The following STX1A variants were observed in gnomAD, a reference collection of about 807,000 sequenced individuals.
The protein encoded by STX1A is syntaxin-1A.
Under a neutral mutation model 37.8 loss-of-function variants are expected in STX1A, and 4 were observed. The ratio of observed to expected loss-of-function variants is 0.11; its 90% confidence interval spans 0.05 to 0.24. STX1A has a LOEUF of 0.24. Among genes scored for constraint, STX1A ranks in the 10% least tolerant of loss-of-function variants. The probability of loss-of-function intolerance (pLI) is 1.00; values close to 1 mark genes in which losing one functional copy is unlikely to be tolerated. For synonymous variants in STX1A, 135 were observed against 147.4 expected (o/e 0.92, Z 0.61); for missense variants, 251 against 399.9 (o/e 0.63, Z 3.18).
intron 4 of STX1A, 76 bp from the exon 5 acceptor site, chr7:73,704,499 T>C: frequency 3.2e-6 from 5 of 1,572,296 alleles, no homozygotes; most frequent in Non-Finnish European, 4.3e-6. Context: ...CCAGCATCTA[T>C]CCACCTTCCC....
chr7:73,704,810 G>T, intron 4 of STX1A: 1 of 513,618 alleles, frequency 1.9e-6, no homozygotes, highest in Non-Finnish European at 3.5e-6. Context: ...CACTCATGGG[G>T]TGCACGTGTC....
At position 73,702,561 on chromosome 7, in the gene STX1A, A is replaced by G; in HGVS notation, c.678+284T>C. On this transcript the variant is annotated intron_variant, in intron 8 of 9. Transcript: ENST00000222812. This position sits in a 1 kb window ranked among gnomAD's most constrained non-coding sequence, Gnocchi z 4.7. ...GTCTCTGGGGAAATGCGTGGCCCAC[A>G]GTGGCCCCATGAGGAAACAGTAGTA... The G allele has an allele frequency of 1.2e-6, 1 of 866,194 alleles. No individual in the cohort carries two copies. 53.7% of individuals were successfully genotyped at this position (866,194 alleles called of 1,614,324 possible).
At chr7:73,715,357 G>A (rs1799254421) in intron 1 of STX1A, among the ~76,000 whole-genome samples, 1 of 152,066 alleles carries the variant, frequency 6.6e-6, no homozygotes, top group South Asian at 2.1e-4. Context: ...AGGAGGTGGA[G>A]GCTGCAGTGA....
In STX1A at chr7:73,713,254, A is replaced by T. The variant is rs1292272857; in HGVS notation, c.31-4132T>A. 2.6e-5 allele frequency among the ~76,000 whole-genome samples: 4 copies of T among 152,312 alleles called. 1 individual carries two copies. Among genetic ancestry groups the T allele is most frequent in the African/African-American group, 9.6e-5 (4 of 41,572 alleles). ...GTCCTCCAGATTCACTCAGATAAGG[A>T]ATCAGTTCTCATTGGACACGGAATA... On this transcript the variant is annotated intron_variant, in intron 1 of 9. Coordinates refer to ENST00000222812, the MANE Select transcript of STX1A (RefSeq NM_004603.4).
In STX1A at chr7:73,705,116, GC is replaced by G. The variant is rs1554616653; in HGVS notation, c.283+33del. ...TCCGCAGAGGAAGCAGGCCTAGAATGCCCCCCACCCACCCCCAGACAAGCCT... is the reference window on the plus strand; with the variant it reads ...TCCGCAGAGGAAGCAGGCCTAGAATGCCCCCACCCACCCCCAGACAAGCCT... On this transcript the variant is annotated intron_variant, in intron 4 of 9. Coordinates refer to ENST00000222812, the MANE Select transcript of STX1A (RefSeq NM_004603.4). The surrounding 1 kb of genome is among the most constrained non-coding windows in gnomAD (Gnocchi z 5.2). 2 of 1,599,786 alleles carry G rather than the reference GC, an allele frequency of 1.3e-6. No homozygotes were observed. The highest frequency in any genetic ancestry group is 1.7e-6 in the Non-Finnish European group (2 of 1,167,024).
At chr7:73,708,722 A>G (rs1554617470) in intron 2 of STX1A, 34 bp from the exon 3 acceptor site, 1 of 1,603,306 alleles carries the variant, frequency 6.2e-7, no homozygotes, top group Non-Finnish European at 8.5e-7. Flanking sequence ...AGGAGAAGGA[A>G]ATCAGGGGAG....
rs1430536882 is a variant in STX1A at position 73,709,660 on chromosome 7, C to G, written c.31-538G>C. Among the ~76,000 whole-genome samples, 1 of 150,874 alleles carries G rather than the reference C, an allele frequency of 6.6e-6. No homozygotes were observed. Among genetic ancestry groups the G allele is most frequent in the African/African-American group, 2.4e-5 (1 of 40,938 alleles). On this transcript the variant is annotated intron_variant, in intron 1 of 9. Transcript: ENST00000222812. The surrounding 1 kb of genome is among the most constrained non-coding windows in gnomAD (Gnocchi z 4.2). ...AACACCTGGGCTCAAGCGATCCTCC[C>G]AACTCAGCATCCCGAGTAGCTGGAA...
Position 73,706,867 on chromosome 7 carries a change from C to T in STX1A, c.209-1643G>A, listed in dbSNP as rs1356620823. On this transcript the variant is annotated intron_variant, in intron 3 of 9. Transcript: ENST00000222812. This position sits in a 1 kb window ranked among gnomAD's most constrained non-coding sequence, Gnocchi z 4.6. ...CAAATCTCTCAGGCAAGGAGCTCAG[C>T]GTGGTGAGCCCTGGGCGTCCCTCTC... 2.6e-5 allele frequency among the ~76,000 whole-genome samples: 4 copies of T among 152,222 alleles called. No individual in the cohort carries two copies. Among genetic ancestry groups the T allele is most frequent in the Non-Finnish European group, 2.9e-5 (2 of 68,044 alleles).
chr7:73,704,568 G>T, intron 4 of STX1A, 145 bp from the exon 5 acceptor site: 1 of 981,384 alleles, frequency 1.0e-6, no homozygotes, highest in Non-Finnish European at 1.5e-6. Flanking sequence ...AGGCACCGAT[G>T]GAGGAGGGGC....
At chr7:73,718,513 G>T (rs923759921) in intron 1 of STX1A, among the ~76,000 whole-genome samples, 2 of 152,036 alleles carry the variant, frequency 1.3e-5, no homozygotes, top group Admixed American at 6.6e-5. Flanking sequence ...GGAGCGGGGT[G>T]GGGGGTGCTC....
Position 73,700,961 on chromosome 7 carries a change from T to A in STX1A, c.679-121A>T. ...AGACAAAAAGGGGGCGTGAGGAGGT[T>A]AGGGTACAGCTTCTCACCTGGGCCA... On this transcript the variant is annotated intron_variant, in intron 8 of 9. Transcript: ENST00000222812. The surrounding 1 kb of genome is among the most constrained non-coding windows in gnomAD (Gnocchi z 4.4). 1 of 1,528,652 alleles carries A rather than the reference T, an allele frequency of 6.5e-7. No individual in the cohort carries two copies. The highest frequency in any genetic ancestry group is 8.8e-7 in the Non-Finnish European group (1 of 1,141,158). The allele number at this position is 1,528,652 out of a possible 1,614,324, so 94.7% of individuals were successfully genotyped here.
Position 73,709,269 on chromosome 7 carries a change from C to G in STX1A, c.31-147G>C, listed in dbSNP as rs151170490. ...GGGACAAGAACAGGCCTGGCTGTTC[C>G]GCTCCCAGCCACAGTAAGATCTGGA... On this transcript the variant is annotated intron_variant, in intron 1 of 9. Transcript: ENST00000222812. This position sits in a 1 kb window ranked among gnomAD's most constrained non-coding sequence, Gnocchi z 4.2. 2,161 of 703,852 alleles carry G rather than the reference C, an allele frequency of 3.1e-3. 11 individuals carry two copies. The highest frequency in any genetic ancestry group is 0.027 in the East Asian group (984 of 35,902). 43.6% of individuals were successfully genotyped at this position (703,852 alleles called of 1,614,324 possible). A position where few individuals can be genotyped will look rare whatever the true frequency, so the allele number is the denominator to read the frequency against.
intron 1 of STX1A, among the ~76,000 whole-genome samples, chr7:73,715,905 C>G (rs1799274326): frequency 6.6e-6 from 1 of 152,256 alleles, no homozygotes; most frequent in African/African-American, 2.4e-5. Flanking sequence ...AGCCTCCTCA[C>G]CCTGTCTCCA....
Position 73,700,570 on chromosome 7 carries a change from T to G in STX1A, c.790-86A>C. 6.5e-7 allele frequency: 1 copy of G among 1,532,142 alleles called. No individual in the cohort carries two copies. The highest frequency in any genetic ancestry group is 8.9e-7 in the Non-Finnish European group (1 of 1,125,744). The allele number at this position is 1,532,142 out of a possible 1,614,324, so 94.9% of individuals were successfully genotyped here. A position where few individuals can be genotyped will look rare whatever the true frequency, so the allele number is the denominator to read the frequency against. On this transcript the variant is annotated intron_variant, in intron 9 of 9. Coordinates refer to ENST00000222812, the MANE Select transcript of STX1A (RefSeq NM_004603.4). This position sits in a 1 kb window ranked among gnomAD's most constrained non-coding sequence, Gnocchi z 4.4. The stretch of plus-strand genomic sequence containing the variant: ...ATGGCAAAGGCTGAGGACTGGACAG[T>G]CGGGGGGGATCCAAGCAGGGGAAGG...
Position 73,700,221 on chromosome 7 carries a change from A to C in STX1A, c.*186T>G. On this transcript the variant is annotated 3_prime_UTR_variant, in exon 10 of 10. Coordinates refer to ENST00000222812, the MANE Select transcript of STX1A (RefSeq NM_004603.4). The surrounding 1 kb of genome is among the most constrained non-coding windows in gnomAD (Gnocchi z 4.4). ...CCTCTTCCCGTACAGACGCACACTC[A>C]CAGAGATCATGCACACGACACGGGG... 4 of 636,290 alleles carry C rather than the reference A, an allele frequency of 6.3e-6. No homozygotes were observed. Among genetic ancestry groups the C allele is most frequent in the Non-Finnish European group, 1.1e-5 (4 of 357,518 alleles). The allele number at this position is 636,290 out of a possible 1,614,324, so 39.4% of individuals were successfully genotyped here.
Position 73,705,098 on chromosome 7 carries a change from A to G in STX1A, c.283+52T>C. 3 of 1,567,546 alleles carry G rather than the reference A, an allele frequency of 1.9e-6. No homozygotes were observed. Among genetic ancestry groups the G allele is most frequent in the South Asian group, 1.1e-5 (1 of 90,150 alleles). ...GAGCAAAACCCCATGGGCTCCGCAGAGGAAGCAGGCCTAGAATGCCCCCCA... is the reference window on the plus strand; with the variant it reads ...GAGCAAAACCCCATGGGCTCCGCAGGGGAAGCAGGCCTAGAATGCCCCCCA... On this transcript the variant is annotated intron_variant, in intron 4 of 9. Coordinates refer to ENST00000222812, the MANE Select transcript of STX1A (RefSeq NM_004603.4). This position sits in a 1 kb window ranked among gnomAD's most constrained non-coding sequence, Gnocchi z 5.2.
chr7:73,705,384 C>T lies in STX1A; in HGVS notation c.209-160G>A. On this transcript the variant is annotated intron_variant, in intron 3 of 9. Transcript: ENST00000222812. The surrounding 1 kb of genome is among the most constrained non-coding windows in gnomAD (Gnocchi z 5.2). Reference sequence around the variant, plus strand: ...GCTCTGCCTGCCCGCCCCCCTCCCCCAATTCTGGGCCAGGGCTGCACCAGC... The same window carrying T: ...GCTCTGCCTGCCCGCCCCCCTCCCCTAATTCTGGGCCAGGGCTGCACCAGC... The T allele has an allele frequency of 1.6e-6, 1 of 630,306 alleles. No individual in the cohort carries two copies. Among genetic ancestry groups the T allele is most frequent in the Admixed American group, 2.6e-5 (1 of 37,816 alleles). The allele number at this position is 630,306 out of a possible 1,614,324, so 39.0% of individuals were successfully genotyped here.
Position 73,702,571 on chromosome 7 carries a change from T to A in STX1A, c.678+274A>T. 1.0e-6 allele frequency: 1 copy of A among 956,716 alleles called. No homozygotes were observed. 59.3% of individuals were successfully genotyped at this position (956,716 alleles called of 1,614,324 possible). A position where few individuals can be genotyped will look rare whatever the true frequency, so the allele number is the denominator to read the frequency against. ...AAATGCGTGGCCCACAGTGGCCCCA[T>A]GAGGAAACAGTAGTAGGGGAATGAG... On this transcript the variant is annotated intron_variant, in intron 8 of 9. Coordinates refer to ENST00000222812, the MANE Select transcript of STX1A (RefSeq NM_004603.4). This position sits in a 1 kb window ranked among gnomAD's most constrained non-coding sequence, Gnocchi z 4.7.
At chr7:73,701,078 G>T in intron 8 of STX1A, 1 of 717,696 alleles carries the variant, frequency 1.4e-6, no homozygotes, top group Non-Finnish European at 2.3e-6. Context: ...GGTGGAGCTG[G>T]CCATGCAGTC....
Sources: allele counts gnomAD v4.1 joint callset (sites outside exome capture counted in the v4.1 genomes callset), GRCh38; gene constraint gnomAD v4.1.1; non-coding constraint Gnocchi (gnomAD v3.1); transcripts MANE v1.5; gene names NCBI Gene and HGNC (gene_info 2026-07-23, HGNC 2026-07-21).